TJP1: variants seen among roughly 807,000 people sequenced by gnomAD.
TJP1 encodes the protein tight junction protein 1.
A neutral mutation model predicts 194.2 loss-of-function variants in TJP1; 43 were observed. The ratio of observed to expected loss-of-function variants is 0.22; its 90% confidence interval spans 0.17 to 0.29. The LOEUF is 0.29. TJP1 is among the 10% of genes least tolerant of loss of function. The pLI, the probability that TJP1 is intolerant of heterozygous loss-of-function variation, is 1.00. For missense variants in TJP1, 1,971 were observed against 2,185.7 expected (o/e 0.90, Z 1.96); for synonymous variants, 801 against 779.0 (o/e 1.03, Z -0.47).
At chr15:29,873,960 T>A (rs775353028) in intron 2 of TJP1, among the ~76,000 whole-genome samples, 2 of 152,122 alleles carry the variant, frequency 1.3e-5, no homozygotes, top group Non-Finnish European at 2.9e-5. Flanking sequence ...CCCAACAGGC[T>A]CAAAACTCTA....
Position 29,741,414 on chromosome 15 carries a change from T to C in TJP1, c.1173A>G (p.Gln391=), listed in dbSNP as rs1428643902. The C allele has an allele frequency of 6.2e-7, 1 of 1,607,046 alleles. No homozygotes were observed. Among genetic ancestry groups the C allele is most frequent in the Non-Finnish European group, 8.5e-7 (1 of 1,177,798 alleles). Residue 391 remains glutamine, a synonymous_variant, in exon 10 of 28, where the codon CAA becomes CAG. Transcript: ENST00000614355. The part of the protein sequence containing the change: ...SLPEPKPVYA[Q]VGQPDVDLPV... ...GTAAATCCACATCTGGTTGCCCAAC[T>C]TGGGCATACACAGGCTTTGGTTCTA...
At chr15:29,829,894 A>C (rs1043307701) in intron 2 of TJP1, among the ~76,000 whole-genome samples, 1 of 152,130 alleles carries the variant, frequency 6.6e-6, no homozygotes, top group East Asian at 1.9e-4. Context: ...AGGAAAACTA[A>C]GAACAAGTAA....
chr15:29,886,306 A>G (rs1452615027), intron 2 of TJP1, among the ~76,000 whole-genome samples: 1 of 152,198 alleles, frequency 6.6e-6, no homozygotes, highest in Non-Finnish European at 1.5e-5. Flanking sequence ...TTAAGCTTTT[A>G]TTATTTAAAA....
chr15:29,966,665 C>T (rs201737224), intron 1 of TJP1, among the ~76,000 whole-genome samples: 2 of 4,676 alleles, frequency 4.3e-4, no homozygotes, highest in Non-Finnish European at 3.6e-4. Context: ...ACATCCGTTG[C>T]AGGGTTTTAC....
rs536664612 is a variant in TJP1, at chr15:29,708,630, G to T, written c.4779C>A (p.Phe1593Leu). Reference protein sequence around the residue: ...PPEFDSGVETFSIHAEKPKYQ... With the variant: ...PPEFDSGVETLSIHAEKPKYQ... The stretch of plus-strand genomic sequence containing the variant: ...ATTTAGGCTTCTCTGCATGGATAGA[G>T]AAAGTTTCAACTCCACTGTCAAACT... Residue 1593 changes from phenylalanine (F) to leucine (L), a missense_variant, in exon 25 of 28, where the codon TTC becomes TTA. By Grantham distance (22) the Phe-to-Leu change is conservative. This residue lies in a region of TJP1 where 1,108 missense variants were observed against 1,128.5 expected (regional missense o/e 0.98). Transcript: ENST00000614355. The T allele has an allele frequency of 6.2e-7, 1 of 1,614,188 alleles. No homozygotes were observed. Among genetic ancestry groups the T allele is most frequent in the East Asian group, 2.2e-5 (1 of 44,876 alleles).
At chr15:29,716,461 T>A in intron 23 of TJP1, 150 bp downstream of exon 23, 1 of 610,938 alleles carries the variant, frequency 1.6e-6, no homozygotes, top group East Asian at 2.8e-5. Flanking sequence ...AAAACACACA[T>A]CCCAGAACTA....
rs200643411 is a variant in TJP1, at chr15:29,742,630, C to G, written c.1150+12G>C. On this transcript the variant is annotated intron_variant, in intron 9 of 27. Transcript: ENST00000614355. ...CAAATGTTTCTTGAACTTAGTGTTT[C>G]GTTATGCTTACCTGGAAGAGAAGGT... 6.4e-7 allele frequency: 1 copy of G among 1,556,290 alleles called. No homozygotes were observed. The highest frequency in any genetic ancestry group is 8.6e-7 in the Non-Finnish European group (1 of 1,156,334).
Position 29,717,888 on chromosome 15 carries a change from T to TA in TJP1, c.3974+132dup. On this transcript the variant is annotated intron_variant, in intron 22 of 27. Transcript: ENST00000614355. ...TAGAATCACTGTTTAGGAGAGCTGA[T>TA]AGTTTTTATTTAAGGACAAACTCCT... is the stretch of plus-strand genomic sequence containing the variant. 3 of 691,124 alleles carry TA rather than the reference T, an allele frequency of 4.3e-6. No individual in the cohort carries two copies. In the South Asian group the frequency reaches 7.2e-5, roughly 17 times the overall value. The allele number at this position is 691,124 out of a possible 1,614,324, so 42.8% of individuals were successfully genotyped here. A position where few individuals can be genotyped will look rare whatever the true frequency, so the allele number is the denominator to read the frequency against.
intron 5 of TJP1, among the ~76,000 whole-genome samples, chr15:29,763,866 G>A (rs982749765): frequency 5.9e-5 from 9 of 151,760 alleles, no homozygotes; most frequent in Non-Finnish European, 1.0e-4. Context: ...TGAAGAAAAC[G>A]GCCTTTTAGG....
chr15:29,770,912 T>C (rs766445745), intron 4 of TJP1, among the ~76,000 whole-genome samples: 34 of 152,210 alleles, frequency 2.2e-4, no homozygotes, highest in Non-Finnish European at 4.4e-4. Flanking sequence ...TAGTGCAGCC[T>C]AAATGTACAG....
chr15:29,860,932 C>T (rs2052057383), intron 2 of TJP1, among the ~76,000 whole-genome samples: 1 of 152,124 alleles, frequency 6.6e-6, no homozygotes, highest in Non-Finnish European at 1.5e-5. Flanking sequence ...TGCTACTGCA[C>T]ACTTAATAGA....
At chr15:29,881,199 A>G (rs1450085324) in intron 2 of TJP1, among the ~76,000 whole-genome samples, 2 of 152,178 alleles carry the variant, frequency 1.3e-5, no homozygotes, top group Admixed American at 6.5e-5. Context: ...GATTAGTAAT[A>G]TTAAACACCT....
At chr15:29,783,065 G>A (rs2047471081) in intron 2 of TJP1, among the ~76,000 whole-genome samples, 1 of 152,112 alleles carries the variant, frequency 6.6e-6, no homozygotes. Flanking sequence ...CCTGAGGTCA[G>A]AAGTTCGAGG....
chr15:29,779,081 T>C (rs1178234686), intron 2 of TJP1, among the ~76,000 whole-genome samples: 8 of 152,198 alleles, frequency 5.3e-5, no homozygotes, highest in Non-Finnish European at 1.0e-4. Flanking sequence ...ACGAACTTCC[T>C]TACAGATAAC....
At chr15:29,867,097 C>T (rs1388764037) in intron 2 of TJP1, among the ~76,000 whole-genome samples, 1 of 152,104 alleles carries the variant, frequency 6.6e-6, no homozygotes, top group African/African-American at 2.4e-5. Flanking sequence ...TTATTTCAGA[C>T]AAATAAGATA....
intron 27 of TJP1, 30 bp downstream of exon 27, chr15:29,704,132 C>T (rs1257287726): frequency 1.3e-6 from 2 of 1,543,400 alleles, no homozygotes; most frequent in African/African-American, 1.4e-5. Context: ...GTCCCCAAAG[C>T]TCCCAAAGGA....
chr15:29,917,445 T>C (rs1277983156), intron 2 of TJP1, among the ~76,000 whole-genome samples: 1 of 151,960 alleles, frequency 6.6e-6, no homozygotes, highest in Non-Finnish European at 1.5e-5. Flanking sequence ...AAACAATATA[T>C]AAGGCCACAA....
At chr15:29,780,302 G>A (rs951286940) in intron 2 of TJP1, among the ~76,000 whole-genome samples, 1 of 151,958 alleles carries the variant, frequency 6.6e-6, no homozygotes, top group Non-Finnish European at 1.5e-5. Flanking sequence ...CCCATCTGGG[G>A]GTGATGGGAG....
intron 2 of TJP1, among the ~76,000 whole-genome samples, chr15:29,866,116 A>T (rs560430294): frequency 5.5e-4 from 84 of 152,338 alleles, no homozygotes; most frequent in African/African-American, 4.8e-4. Flanking sequence ...TTTTTCTTTC[A>T]GTGATATGGC....
Sources: gnomAD v4.1 joint callset for allele counts (sites outside exome capture counted in the v4.1 genomes callset) on GRCh38, gnomAD v4.1.1 for gene constraint, gnomAD v4.1.1 regional missense constraint, MANE v1.5 for transcripts, NCBI Gene and HGNC (gene_info 2026-07-23, HGNC 2026-07-21) for gene names.